The following DNAH11 variants were observed in gnomAD, a reference collection of about 807,000 sequenced individuals.
The protein encoded by DNAH11 is axonemal beta dynein heavy chain 11.
In DNAH11, 442 loss-of-function variants were observed where a neutral mutation model predicts 526.0. The observed-to-expected ratio is 0.84, with a 90% CI of 0.78 to 0.91. The LOEUF is 0.91. DNAH11 is among the 40% of genes least tolerant of loss of function. The pLI, the probability that DNAH11 is intolerant of heterozygous loss-of-function variation, is 0.00. For synonymous variants in DNAH11, 2,461 were observed against 1,935.9 expected, an observed-to-expected ratio of 1.27 and a Z score of -7.12; for missense variants, 6,989 against 5,448.7, an observed-to-expected ratio of 1.28 and a Z score of -8.90.
At chr7:21,791,811 G>A (rs1444061384) in intron 61 of DNAH11, among the ~76,000 whole-genome samples, 1 of 152,194 alleles carries the variant, frequency 6.6e-6, no homozygotes, top group Non-Finnish European at 1.5e-5. Flanking sequence ...ACTGGAGTTT[G>A]AGAGAAAAGT....
At position 21,767,272 on chromosome 7, in the gene DNAH11, A is replaced by G. The variant is rs562878694; in HGVS notation, c.9102+1683A>G. Among the ~76,000 whole-genome samples the G allele has an allele frequency of 3.2e-4, 49 of 152,288 alleles. 1 individual carries two copies. The highest frequency in any genetic ancestry group is 3.4e-3 in the Middle Eastern group (1 of 294). ...GTAAGGAAGAGAAAGGGGCCAGAGCACTTTGTTTCTGCATGTTACTTTGTC... is the reference window on the plus strand; with the variant it reads ...GTAAGGAAGAGAAAGGGGCCAGAGCGCTTTGTTTCTGCATGTTACTTTGTC... On this transcript the variant is annotated intron_variant, in intron 55 of 81. Coordinates refer to ENST00000409508, the MANE Select transcript of DNAH11 (RefSeq NM_001277115.2).
intron 58 of DNAH11, among the ~76,000 whole-genome samples, chr7:21,785,952 G>A (rs1788157409): frequency 6.6e-6 from 1 of 152,192 alleles, no homozygotes; most frequent in African/African-American, 2.4e-5. Flanking sequence ...TTCAAATCAT[G>A]TATTAAATAT....
At chr7:21,622,968 G>A (rs893155794) in intron 25 of DNAH11, among the ~76,000 whole-genome samples, 3 of 152,160 alleles carry the variant, frequency 2.0e-5, no homozygotes, top group Non-Finnish European at 4.4e-5. Context: ...ATTGACAAAT[G>A]GGATCTAATT....
At chr7:21,762,694 G>A (rs572929653) in intron 54 of DNAH11, among the ~76,000 whole-genome samples, 1 of 152,226 alleles carries the variant, frequency 6.6e-6, no homozygotes, top group South Asian at 2.1e-4. Flanking sequence ...ATTAAAAAAT[G>A]TTAAACCACA....
At chr7:21,856,098 G>A (rs962068872) in intron 68 of DNAH11, among the ~76,000 whole-genome samples, 2 of 152,176 alleles carry the variant, frequency 1.3e-5, no homozygotes, top group African/African-American at 4.8e-5. Context: ...AGGGTAATGA[G>A]CAAGGGGAAA....
At position 21,570,304 on chromosome 7, in the gene DNAH11, T is replaced by TC; in HGVS notation, c.1425+6dup. ...GATCGTTTAATAAAAATAGAGGTATTCATTTTTTGATTTTATTTATTCATG... is the reference window on the plus strand; with the variant it reads ...GATCGTTTAATAAAAATAGAGGTATTCCATTTTTTGATTTTATTTATTCATG... On this transcript the variant is annotated splice_donor_region_variant and intron_variant, in intron 7 of 81. Coordinates refer to ENST00000409508, the MANE Select transcript of DNAH11 (RefSeq NM_001277115.2). The TC allele has an allele frequency of 6.3e-7, 1 of 1,583,642 alleles. No homozygotes were observed. Among genetic ancestry groups the TC allele is most frequent in the East Asian group, 2.2e-5 (1 of 44,636 alleles).
chr7:21,798,564 G>A (rs1788820944), intron 61 of DNAH11, among the ~76,000 whole-genome samples: 1 of 152,220 alleles, frequency 6.6e-6, no homozygotes, highest in Non-Finnish European at 1.5e-5. Flanking sequence ...GGACTCAGAA[G>A]GTTTGGGTTC....
intron 74 of DNAH11, among the ~76,000 whole-genome samples, chr7:21,877,080 A>C (rs116616535): frequency 1.5e-3 from 222 of 152,288 alleles, no homozygotes; most frequent in African/African-American, 5.1e-3. Flanking sequence ...GATGAATGCT[A>C]TCTCTCTTGT....
At chr7:21,632,448 C>T (rs1027158076) in intron 25 of DNAH11, among the ~76,000 whole-genome samples, 1 of 152,150 alleles carries the variant, frequency 6.6e-6, no homozygotes, top group Non-Finnish European at 1.5e-5. Flanking sequence ...CTGTGGTCTG[C>T]TTCCCTTATA....
At position 21,852,566 on chromosome 7, in the gene DNAH11, GATGA is replaced by G; in HGVS notation, c.10997_11000del (p.Asp3666AlafsTer5). ...TTCTGCGGCAGAGGGAAGCTTTCTG[GATGA>G]CACCAAACTGGTAGAGAGATTGGAG... is the stretch of plus-strand genomic sequence containing the variant. On this transcript the variant is annotated frameshift_variant, in exon 67 of 82. Transcript: ENST00000409508. LOFTEE classifies it high-confidence loss of function. 6.2e-7 allele frequency: 1 copy of G among 1,612,738 alleles called. No individual in the cohort carries two copies. The highest frequency in any genetic ancestry group is 8.5e-7 in the Non-Finnish European group (1 of 1,179,578).
intron 43 of DNAH11, 92 bp downstream of exon 43, chr7:21,718,017 A>T: frequency 6.7e-7 from 1 of 1,487,898 alleles, no homozygotes; most frequent in Non-Finnish European, 9.0e-7. Context: ...TGCCCAAGAA[A>T]GTGAGAAGAT....
intron 63 of DNAH11, among the ~76,000 whole-genome samples, chr7:21,812,215 C>T (rs1371687171): frequency 6.6e-6 from 1 of 152,154 alleles, no homozygotes; most frequent in African/African-American, 2.4e-5. Flanking sequence ...CTATATCATT[C>T]ATAAGATGGG....
In DNAH11 at chr7:21,711,356, G is replaced by T. The variant is rs145753779; in HGVS notation, c.6835-356G>T. ...ACAGGTTTGGGATCTTTATACTTGTGTAAGTTTCTTTGGACAATTGATAAT... is the reference window on the plus strand; with the variant it reads ...ACAGGTTTGGGATCTTTATACTTGTTTAAGTTTCTTTGGACAATTGATAAT... On this transcript the variant is annotated intron_variant, in intron 41 of 81. Transcript: ENST00000409508. Among the ~76,000 whole-genome samples, 35 of 152,292 alleles carry T rather than the reference G, an allele frequency of 2.3e-4. No individual in the cohort carries two copies. In the East Asian group the frequency reaches 5.0e-3, roughly 22 times the overall value.
chr7:21,863,596 G>A (rs1419602408), intron 69 of DNAH11, among the ~76,000 whole-genome samples: 1 of 152,158 alleles, frequency 6.6e-6, no homozygotes, highest in Non-Finnish European at 1.5e-5. Context: ...AAAGTGCTGG[G>A]ATTACAGGCA....
chr7:21,602,565 G>C (rs1299527124), intron 18 of DNAH11, among the ~76,000 whole-genome samples: 3 of 26,826 alleles, frequency 1.1e-4, no homozygotes, highest in Non-Finnish European at 3.4e-4. Flanking sequence ...GATTGTGTGT[G>C]TGTGTGTGTG....
intron 14 of DNAH11, among the ~76,000 whole-genome samples, chr7:21,597,312 G>T (rs760381701): frequency 9.9e-5 from 15 of 152,268 alleles, no homozygotes; most frequent in Middle Eastern, 3.4e-3. Context: ...ACTCTGGGAG[G>T]TCAAGAGGGC....
chr7:21,643,519 A>G (rs529556020), intron 28 of DNAH11, among the ~76,000 whole-genome samples: 1 of 152,206 alleles, frequency 6.6e-6, no homozygotes, highest in Non-Finnish European at 1.5e-5. Flanking sequence ...TGTGCTTCTC[A>G]TGGGGTAGCT....
At chr7:21,705,954 C>G (rs1583612117) in intron 39 of DNAH11, among the ~76,000 whole-genome samples, 1 of 152,150 alleles carries the variant, frequency 6.6e-6, no homozygotes, top group Non-Finnish European at 1.5e-5. Context: ...TGGATTGGCT[C>G]TAGCCACATT....
At chr7:21,862,122 C>CTTTTTT in intron 69 of DNAH11, 99 bp downstream of exon 69, 1 of 896,596 alleles carries the variant, frequency 1.1e-6, no homozygotes, top group Non-Finnish European at 1.5e-6. Context: ...ATATAATAGA[C>CTTTTTT]TTTTTTTTTT....
Sources: gnomAD v4.1 joint callset for allele counts (sites outside exome capture counted in the v4.1 genomes callset) on GRCh38, gnomAD v4.1.1 for gene constraint, MANE v1.5 for transcripts, NCBI Gene and HGNC (gene_info 2026-07-23, HGNC 2026-07-21) for gene names.